The following DCUN1D4 variants were observed in gnomAD, a reference collection of about 807,000 sequenced individuals.
DCUN1D4 encodes defective in cullin neddylation 1 domain containing 4.
Under a neutral mutation model 47.9 loss-of-function variants are expected in DCUN1D4, and 22 were observed. The ratio of observed to expected loss-of-function variants is 0.46; its 90% CI spans 0.33 to 0.66. The LOEUF (loss-of-function observed/expected upper bound fraction) is 0.66, where lower values mean the gene tolerates loss of function less well. Among genes scored for constraint, DCUN1D4 ranks in the 30% least tolerant of loss-of-function variants. The pLI is 0.02. For synonymous variants in DCUN1D4, 121 were observed against 112.2 expected (o/e 1.08, Z -0.50); for missense variants, 301 against 340.8 (o/e 0.88, Z 0.92).
chr4:51,843,241 A>C lies in DCUN1D4; in HGVS notation c.-2A>C. ...GGCGAGCCGGGTGTGAGCTGCCTGA[A>C]AATGCACTCGGATGCCGCCGCTGTC... On this transcript the variant is annotated 5_prime_UTR_variant, in exon 1 of 11. Transcript: ENST00000334635. The C allele has an allele frequency of 6.5e-7, 1 of 1,541,994 alleles. No homozygotes were observed. The highest frequency in any genetic ancestry group is 1.2e-5 in the South Asian group (1 of 82,932).
chr4:51,849,039 C>T (rs941543876), intron 1 of DCUN1D4, among the ~76,000 whole-genome samples: 1 of 152,150 alleles, frequency 6.6e-6, no homozygotes, highest in Non-Finnish European at 1.5e-5. Context: ...CCCTGCCCCA[C>T]GACCACAATT....
chr4:51,855,352 TATA>T (rs1454027917), intron 1 of DCUN1D4, among the ~76,000 whole-genome samples: 1 of 152,210 alleles, frequency 6.6e-6, no homozygotes, highest in African/African-American at 2.4e-5. Context: ...AATTTTACAC[TATA>T]ATGAGTGAAT....
chr4:51,909,105 C>G (rs937166668), intron 8 of DCUN1D4: 1 of 433,600 alleles, frequency 2.3e-6, no homozygotes, highest in African/African-American at 2.0e-5. Flanking sequence ...TATATTGTTG[C>G]AAAGAGTCTG....
At chr4:51,901,906 T>C (rs1309683499) in intron 8 of DCUN1D4, among the ~76,000 whole-genome samples, 2 of 152,250 alleles carry the variant, frequency 1.3e-5, no homozygotes, top group African/African-American at 4.8e-5. Context: ...AGCTAAAATA[T>C]GCTCTAAGAT....
intron 7 of DCUN1D4, among the ~76,000 whole-genome samples, chr4:51,894,690 C>T (rs939076202): frequency 1.3e-5 from 2 of 152,124 alleles, no homozygotes; most frequent in African/African-American, 4.8e-5. Context: ...GATCTTTAAA[C>T]TATTTTGTCT....
intron 8 of DCUN1D4, among the ~76,000 whole-genome samples, chr4:51,907,515 T>C (rs574619351): frequency 3.8e-4 from 58 of 152,342 alleles, no homozygotes; most frequent in African/African-American, 1.3e-3. Context: ...ATGTAATAGG[T>C]CTTCACTTAA....
At chr4:51,838,553 G>A (rs745681350), upstream of DCUN1D4, among the ~76,000 whole-genome samples, 1 of 151,826 alleles carries the variant, frequency 6.6e-6, no homozygotes, top group Non-Finnish European at 1.5e-5. Context: ...AGATAATTTT[G>A]CATTTTTTTG....
chr4:51,845,859 G>A (rs1055432618), intron 1 of DCUN1D4, among the ~76,000 whole-genome samples: 1 of 152,288 alleles, frequency 6.6e-6, no homozygotes, highest in Admixed American at 6.5e-5. Flanking sequence ...GGCAATGTGT[G>A]TGGTGTTCTT....
At chr4:51,856,210 G>T (rs1158546537) in intron 1 of DCUN1D4, among the ~76,000 whole-genome samples, 1 of 152,126 alleles carries the variant, frequency 6.6e-6, no homozygotes, top group Non-Finnish European at 1.5e-5. Context: ...GCCTTTACAG[G>T]TTTATTTCAT....
chr4:51,843,528 TG>T (rs1396241690), intron 1 of DCUN1D4: 1 of 1,117,042 alleles, frequency 9.0e-7, no homozygotes, highest in African/African-American at 2.2e-5. Context: ...CTTTCAGTGT[TG>T]GGGGAAGGGA....
chr4:51,859,878 C>T (rs1338587683), intron 1 of DCUN1D4, among the ~76,000 whole-genome samples: 1 of 152,050 alleles, frequency 6.6e-6, no homozygotes, highest in Non-Finnish European at 1.5e-5. Context: ...GCAGTCAAAA[C>T]CCAGCATTTA....
At chr4:51,836,993 T>C in the DCUN1D4 span, among the ~76,000 whole-genome samples, 2 of 152,178 alleles carry the variant, frequency 1.3e-5, no homozygotes, top group Non-Finnish European at 2.9e-5. Flanking sequence ...CCAAATAAAA[T>C]GATTATTCTT....
At chr4:51,834,070 CTCTCTCTCTCTCTCTCT>C in the DCUN1D4 span, among the ~76,000 whole-genome samples, 3 of 130,970 alleles carry the variant, frequency 2.3e-5, no homozygotes, top group Non-Finnish European at 4.7e-5. Flanking sequence ...CTCTCTCTCT[CTCTCTCTCTCTCTCTCT>C]TTTCTTTTCT....
chr4:51,875,660 C>T (rs1215616073), intron 4 of DCUN1D4, among the ~76,000 whole-genome samples: 1 of 152,210 alleles, frequency 6.6e-6, no homozygotes, highest in African/African-American at 2.4e-5. Flanking sequence ...CAGCCACTCC[C>T]AGCCCCAGAC....
intron 1 of DCUN1D4, among the ~76,000 whole-genome samples, chr4:51,860,847 A>T (rs1047724716): frequency 6.6e-6 from 1 of 152,126 alleles, no homozygotes; most frequent in Admixed American, 6.5e-5. Context: ...TATCCAAACT[A>T]TATCACCATC....
chr4:51,867,661 GT>G (rs1481614973), intron 3 of DCUN1D4, among the ~76,000 whole-genome samples: 2 of 152,186 alleles, frequency 1.3e-5, no homozygotes, highest in African/African-American at 4.8e-5. Context: ...AGAGTCTGAG[GT>G]TTTTAATGGG....
chr4:51,863,310 A>G lies in DCUN1D4; in HGVS notation c.26-127A>G, dbSNP rs935838580. On this transcript the variant is annotated intron_variant, in intron 1 of 10. Coordinates refer to ENST00000334635, the MANE Select transcript of DCUN1D4 (RefSeq NM_001040402.3). ...GAGGTCACTAATTGCATGTTTTTAA[A>G]AAACTTTAGTGTCAAATTAATTGAG... 12 of 766,180 alleles carry G rather than the reference A, an allele frequency of 1.6e-5. No individual in the cohort carries two copies. The African/African-American group carries it at 2.2e-4, about 14-fold the overall frequency. The allele number at this position is 766,180 out of a possible 1,614,324, so 47.5% of individuals were successfully genotyped here.
intron 7 of DCUN1D4, 105 bp from the exon 8 acceptor site, chr4:51,899,165 C>G (rs1319457705): frequency 1.4e-6 from 2 of 1,397,792 alleles, no homozygotes; most frequent in African/African-American, 1.5e-5. Context: ...GTTTCAACTT[C>G]AGGGATTTGT....
At chr4:51,853,816 A>G (rs1723724988) in intron 1 of DCUN1D4, among the ~76,000 whole-genome samples, 1 of 152,224 alleles carries the variant, frequency 6.6e-6, no homozygotes, top group African/African-American at 2.4e-5. Context: ...GATGGGGCTC[A>G]AAAGATGCAG....
Sources: allele counts gnomAD v4.1 joint callset (sites outside exome capture counted in the v4.1 genomes callset), GRCh38; gene constraint gnomAD v4.1.1; transcripts MANE v1.5; gene names NCBI Gene and HGNC (gene_info 2026-07-23, HGNC 2026-07-21).